ATP9A: variants seen among roughly 807,000 people sequenced by gnomAD.
ATP9A encodes probable phospholipid-transporting ATPase IIA.
ATP9A carries 52 observed loss-of-function variants against 144.1 expected under a neutral mutation model. The ratio of observed to expected loss-of-function variants is 0.36; its 90% CI spans 0.29 to 0.45. The LOEUF (loss-of-function observed/expected upper bound fraction) is 0.45. Ranked by LOEUF, ATP9A falls within the 20% of genes least tolerant of loss-of-function variation. The pLI is 1.00. For synonymous variants in ATP9A, 582 were observed against 557.4 expected (o/e 1.04, Z -0.62); for missense variants, 947 against 1,392.7 (o/e 0.68, Z 5.09).
chr20:51,719,562 G>A (rs73616832), intron 3 of ATP9A, among the ~76,000 whole-genome samples: 1 of 150,750 alleles, frequency 6.6e-6, no homozygotes, highest in African/African-American at 2.4e-5. Flanking sequence ...GTGAAACCCC[G>A]TCTCTACTAA....
intron 4 of ATP9A, among the ~76,000 whole-genome samples, chr20:51,703,816 T>C (rs767331415): frequency 2.0e-5 from 3 of 152,186 alleles, no homozygotes; most frequent in Non-Finnish European, 2.9e-5. Context: ...AACACCTCCA[T>C]CTATACTTGT....
At chr20:51,716,115 G>A (rs1171988467) in intron 3 of ATP9A, among the ~76,000 whole-genome samples, 1 of 152,110 alleles carries the variant, frequency 6.6e-6, no homozygotes, top group Non-Finnish European at 1.5e-5. Context: ...GTATTTATGT[G>A]GAGGCTGACA....
At chr20:51,746,805 C>T (rs1056665521) in intron 1 of ATP9A, among the ~76,000 whole-genome samples, 1 of 152,148 alleles carries the variant, frequency 6.6e-6, no homozygotes, top group African/African-American at 2.4e-5. Flanking sequence ...CGCCACTGCA[C>T]TCCAGCCTGG....
In ATP9A at chr20:51,670,099, G is replaced by A. The variant is rs770151175; in HGVS notation, c.1191C>T (p.Thr397=). ...GCCGTTTGAAAATCATCTCGTTCTG[G>A]GTAAGAGTGCCTAAAACACAAGACA... ...YLLTDKTGTL[T]QNEMIFKRLH... is the part of the protein sequence containing the mutation. Residue 397 remains threonine, a synonymous_variant, in exon 13 of 28, where the codon ACC becomes ACT. Transcript: ENST00000338821. The A allele has an allele frequency of 2.7e-5, 44 of 1,613,706 alleles. No individual in the cohort carries two copies. In the South Asian group the frequency reaches 4.8e-4, roughly 18 times the overall value.
At chr20:51,750,068 T>G (rs897966057) in intron 1 of ATP9A, among the ~76,000 whole-genome samples, 1 of 152,058 alleles carries the variant, frequency 6.6e-6, no homozygotes, top group African/African-American at 2.4e-5. Context: ...GGCGGGAGAA[T>G]TGCTTCAACC....
chr20:51,709,986 A>G (rs2077630744), intron 4 of ATP9A, among the ~76,000 whole-genome samples: 1 of 152,126 alleles, frequency 6.6e-6, no homozygotes, highest in South Asian at 2.1e-4. Context: ...CCCACAAAAT[A>G]CTGTTGAAAA....
chr20:51,685,366 C>G (rs536266426), intron 9 of ATP9A, among the ~76,000 whole-genome samples: 12 of 152,138 alleles, frequency 7.9e-5, no homozygotes, highest in African/African-American at 2.4e-4. Flanking sequence ...TGAGACCAGC[C>G]TGGACAACAT....
intron 14 of ATP9A, among the ~76,000 whole-genome samples, chr20:51,647,925 T>C (rs928764636): frequency 1.7e-4 from 26 of 152,158 alleles, no homozygotes; most frequent in Admixed American, 2.0e-4. Context: ...GCTGTCTTCT[T>C]CTGAACAACC....
Position 51,744,006 on chromosome 20 carries a change from C to CA in ATP9A, c.69-14029dup, listed in dbSNP as rs1359225214. Among the ~76,000 whole-genome samples, 142 of 133,268 alleles carry CA rather than the reference C, an allele frequency of 1.1e-3. 3 individuals are homozygous for CA. The highest frequency in any genetic ancestry group is 2.4e-3 in the East Asian group (11 of 4,594). The allele number at this position is 133,268 out of a possible 152,430, so 87.4% of individuals were successfully genotyped here. On this transcript the variant is annotated intron_variant, in intron 1 of 27. Coordinates refer to ENST00000338821, the MANE Select transcript of ATP9A (RefSeq NM_006045.3). ...TTGGTGACAGAGTAAGACTCCATCT[C>CA]AAAAAAAAAAAAGTTATTTTTCCAG...
intron 4 of ATP9A, among the ~76,000 whole-genome samples, chr20:51,701,247 C>G (rs2077592052): frequency 6.6e-6 from 1 of 152,118 alleles, no homozygotes; most frequent in South Asian, 2.1e-4. Context: ...ATAATAATTG[C>G]CTATGTATAT....
chr20:51,690,408 A>AGACTC lies in ATP9A; in HGVS notation c.723+326_723+330dup, dbSNP rs566973730. On this transcript the variant is annotated intron_variant, in intron 8 of 27. Coordinates refer to ENST00000338821, the MANE Select transcript of ATP9A (RefSeq NM_006045.3). ...GGACTCCAGCCTGGGCAACAGAGCA[A>AGACTC]GACTCCATCTCAAAAAAAAACAAGA... Among the ~76,000 whole-genome samples the AGACTC allele has an allele frequency of 1.1e-3, 173 of 152,294 alleles. 1 individual carries two copies. The highest frequency in any genetic ancestry group is 2.2e-3 in the Non-Finnish European group (151 of 68,024).
intron 15 of ATP9A, among the ~76,000 whole-genome samples, chr20:51,631,511 T>A (rs939439080): frequency 4.6e-5 from 7 of 152,190 alleles, no homozygotes; most frequent in African/African-American, 1.2e-4. Flanking sequence ...GTTCAGAAGT[T>A]CTGTCCAATA....
rs2077136483 is a variant in ATP9A, at chr20:51,600,215, A to G, written c.*996T>C. The G allele has an allele frequency of 6.6e-6, 1 of 152,194 alleles. No homozygotes were observed. The highest frequency in any genetic ancestry group is 2.1e-4 in the South Asian group (1 of 4,826). 9.4% of individuals were successfully genotyped at this position (152,194 alleles called of 1,614,324 possible). Reference sequence around the variant, plus strand: ...GGGGTCATCTTCCATTATGCCTCCTAACAGGAAACAGGCTTCTATGGAAGA... The same window carrying G: ...GGGGTCATCTTCCATTATGCCTCCTGACAGGAAACAGGCTTCTATGGAAGA... On this transcript the variant is annotated 3_prime_UTR_variant, in exon 28 of 28. Transcript: ENST00000338821.
intron 9 of ATP9A, among the ~76,000 whole-genome samples, chr20:51,687,776 AATGAATGAATGAATG>A (rs1262088020): frequency 2.0e-4 from 19 of 97,098 alleles, no homozygotes; most frequent in African/African-American, 5.5e-4. Context: ...AAAAAAAAAA[AATGAATGAATGAATG>A]AATGAATGAA....
intron 1 of ATP9A, among the ~76,000 whole-genome samples, chr20:51,755,186 C>T (rs1425807384): frequency 6.6e-6 from 1 of 151,884 alleles, no homozygotes; most frequent in African/African-American, 2.4e-5. Context: ...GCCTGTAATC[C>T]CAGCACTTTG....
chr20:51,695,466 G>GA (rs5841858), intron 6 of ATP9A, among the ~76,000 whole-genome samples: 86,387 of 124,874 alleles, frequency 0.69, 30,233 homozygotes, highest in African/African-American at 0.85. Flanking sequence ...CGGTCTCAAG[G>GA]AAAAAAAAAA....
rs1434508149 is a variant in ATP9A, at chr20:51,598,392, T to G, written c.*2819A>C. On this transcript the variant is annotated 3_prime_UTR_variant, in exon 28 of 28. Coordinates refer to ENST00000338821, the MANE Select transcript of ATP9A (RefSeq NM_006045.3). ...GGAAAAGTGTTCAAACAGTGCTGAC[T>G]GTGTACCTCAAGGCCCTCTGACCTC... 1 of 152,184 alleles carries G rather than the reference T, an allele frequency of 6.6e-6. No homozygotes were observed. The highest frequency in any genetic ancestry group is 1.5e-5 in the Non-Finnish European group (1 of 68,042). The allele number at this position is 152,184 out of a possible 1,614,324, so 9.4% of individuals were successfully genotyped here. A position where few individuals can be genotyped will look rare whatever the true frequency, so the allele number is the denominator to read the frequency against.
chr20:51,651,810 T>C (rs1456307244), intron 14 of ATP9A, among the ~76,000 whole-genome samples: 1 of 151,996 alleles, frequency 6.6e-6, no homozygotes, highest in Admixed American at 6.6e-5. Flanking sequence ...GCACCTGTAG[T>C]CCCAGCTACT....
At chr20:51,760,894 C>T (rs183114908) in intron 1 of ATP9A, among the ~76,000 whole-genome samples, 38 of 150,080 alleles carry the variant, frequency 2.5e-4, no homozygotes, top group Admixed American at 1.3e-3. Flanking sequence ...GTGGTGGTGG[C>T]GCAGGCCTGT....
Sources: allele counts gnomAD v4.1 joint callset (sites outside exome capture counted in the v4.1 genomes callset), GRCh38; gene constraint gnomAD v4.1.1; transcripts MANE v1.5; gene names NCBI Gene and HGNC (gene_info 2026-07-23, HGNC 2026-07-21).